Variants in TM9SF2 observed in about 807,000 individuals in gnomAD.
The protein encoded by TM9SF2 is 76 kDa membrane protein.
A neutral mutation model predicts 84.9 loss-of-function variants in TM9SF2; 13 were observed. The ratio of observed to expected loss-of-function variants is 0.15; its 90% CI spans 0.10 to 0.24. The LOEUF is 0.24. TM9SF2 is among the 10% of genes least tolerant of loss of function. TM9SF2 has a pLI of 1.00. For missense variants in TM9SF2, 562 were observed against 818.5 expected (o/e 0.69, Z 3.82); for synonymous variants, 273 against 285.8 (o/e 0.96, Z 0.45).
intron 10 of TM9SF2, among the ~76,000 whole-genome samples, chr13:99,544,665 C>T (rs1421222072): frequency 6.6e-6 from 1 of 152,064 alleles, no homozygotes; most frequent in Non-Finnish European, 1.5e-5. Flanking sequence ...TTGGCTTCCA[C>T]GGAGGGAGGA....
chr13:99,558,347 T>C (rs2046332379), intron 15 of TM9SF2, among the ~76,000 whole-genome samples: 1 of 152,234 alleles, frequency 6.6e-6, no homozygotes, highest in Non-Finnish European at 1.5e-5. Context: ...TTTTCCAATC[T>C]GCAAAAATTG....
At chr13:99,554,600 T>C (rs1594061920) in intron 14 of TM9SF2, 145 bp downstream of exon 14, 2 of 875,938 alleles carry the variant, frequency 2.3e-6, no homozygotes, top group East Asian at 2.8e-5. Context: ...AAAGCTTATT[T>C]TTATCTTTTC....
At chr13:99,506,091 C>T (rs1462370018) in intron 1 of TM9SF2, among the ~76,000 whole-genome samples, 1 of 152,042 alleles carries the variant, frequency 6.6e-6, no homozygotes, top group Non-Finnish European at 1.5e-5. Context: ...TCATACTTTC[C>T]TTTCTTGGTA....
Position 99,509,540 on chromosome 13 carries a change from C to T in TM9SF2, c.171+7763C>T, listed in dbSNP as rs971885874. Among the ~76,000 whole-genome samples, 9 of 152,366 alleles carry T rather than the reference C, an allele frequency of 5.9e-5. No individual in the cohort carries two copies. In the South Asian group the frequency reaches 1.0e-3, roughly 18 times the overall value. Reference sequence around the variant, plus strand: ...ACCACATGGAAGCCACCAAGACTTACGGCTTGCATTCTGTAAATGGCAGCC... The same window carrying T: ...ACCACATGGAAGCCACCAAGACTTATGGCTTGCATTCTGTAAATGGCAGCC... On this transcript the variant is annotated intron_variant, in intron 1 of 16. Transcript: ENST00000376387.
At chr13:99,548,840 G>A (rs374709445) in intron 11 of TM9SF2, among the ~76,000 whole-genome samples, 11 of 152,112 alleles carry the variant, frequency 7.2e-5, no homozygotes, top group African/African-American at 1.7e-4. Context: ...TGAGAATCCC[G>A]TGTGCCCTTC....
chr13:99,544,077 C>A (rs2046272469), intron 10 of TM9SF2, 82 bp downstream of exon 10: 2 of 1,488,314 alleles, frequency 1.3e-6, no homozygotes, highest in African/African-American at 1.4e-5. Context: ...TCTGGCCGGG[C>A]ATGGTGGCTC....
At chr13:99,561,201 T>C (rs1477464737) in intron 16 of TM9SF2, among the ~76,000 whole-genome samples, 2 of 152,222 alleles carry the variant, frequency 1.3e-5, no homozygotes, top group Non-Finnish European at 2.9e-5. Flanking sequence ...AAATAGGGTA[T>C]GGTCTGTATT....
At chr13:99,526,865 G>A (rs1434469156) in intron 3 of TM9SF2, among the ~76,000 whole-genome samples, 1 of 152,112 alleles carries the variant, frequency 6.6e-6, no homozygotes, top group Non-Finnish European at 1.5e-5. Flanking sequence ...GAGTAGGGGC[G>A]GTGTGGTCTG....
intron 1 of TM9SF2, among the ~76,000 whole-genome samples, chr13:99,514,693 C>T (rs2046126778): frequency 6.6e-6 from 1 of 152,192 alleles, no homozygotes; most frequent in African/African-American, 2.4e-5. Context: ...GGCCGTTAGC[C>T]TCCTGGGACT....
intron 11 of TM9SF2, 35 bp downstream of exon 11, chr13:99,547,139 G>C: frequency 6.2e-7 from 1 of 1,609,368 alleles, no homozygotes; most frequent in East Asian, 2.2e-5. Context: ...CGTCTGATCA[G>C]GAAGGGACTC....
chr13:99,513,978 A>G (rs577388901), intron 1 of TM9SF2, among the ~76,000 whole-genome samples: 1 of 152,288 alleles, frequency 6.6e-6, no homozygotes, highest in Non-Finnish European at 1.5e-5. Context: ...TAATAAAATT[A>G]GCGTCATTTT....
rs1159368592 is a variant in TM9SF2, at chr13:99,520,657, C to A, written c.333+528C>A. On this transcript the variant is annotated intron_variant, in intron 3 of 16. Transcript: ENST00000376387. ...GATCTCAGCTCACTGCAACCTCTGC[C>A]TCCCGGGTTCAAGCAATTCTCGTGC... Among the ~76,000 whole-genome samples, 4 of 152,284 alleles carry A rather than the reference C, an allele frequency of 2.6e-5. No individual in the cohort carries two copies. In the East Asian group the frequency reaches 5.8e-4, roughly 22 times the overall value.
At chr13:99,524,475 AG>A (rs1328530527) in intron 3 of TM9SF2, among the ~76,000 whole-genome samples, 1 of 152,002 alleles carries the variant, frequency 6.6e-6, no homozygotes. Flanking sequence ...GGTAAGTGAG[AG>A]GTGTTTATTA....
chr13:99,506,684 T>G (rs774600320), intron 1 of TM9SF2, among the ~76,000 whole-genome samples: 1 of 152,196 alleles, frequency 6.6e-6, no homozygotes, highest in Non-Finnish European at 1.5e-5. Flanking sequence ...GGGTGTAAAC[T>G]TGAACTTCCA....
intron 11 of TM9SF2, among the ~76,000 whole-genome samples, chr13:99,548,154 C>T (rs1214768565): frequency 1.3e-5 from 2 of 152,188 alleles, no homozygotes; most frequent in Non-Finnish European, 2.9e-5. Flanking sequence ...TTCAGCCACA[C>T]AGGCTTTCTG....
chr13:99,534,916 A>G (rs1254812693), intron 4 of TM9SF2, among the ~76,000 whole-genome samples: 3 of 152,176 alleles, frequency 2.0e-5, no homozygotes, highest in African/African-American at 4.8e-5. Context: ...TTGGGAGACC[A>G]GGGTAGGAGG....
chr13:99,545,810 C>T (rs958903419), intron 10 of TM9SF2, among the ~76,000 whole-genome samples: 2 of 152,076 alleles, frequency 1.3e-5, no homozygotes, highest in Admixed American at 6.5e-5. Flanking sequence ...CGTGATCCGC[C>T]CGCCTCGGCC....
intron 12 of TM9SF2, among the ~76,000 whole-genome samples, chr13:99,551,463 CG>C (rs1449310397): frequency 1.3e-5 from 2 of 152,134 alleles, no homozygotes; most frequent in African/African-American, 2.4e-5. Flanking sequence ...ATGCACCAGG[CG>C]TAACTACTGT....
At chr13:99,552,021 GTTTT>G (rs2046307317) in intron 12 of TM9SF2, 142 bp from the exon 13 acceptor site, 3 of 798,434 alleles carry the variant, frequency 3.8e-6, no homozygotes, top group Admixed American at 6.8e-5. Context: ...TTCTAGTCAA[GTTTT>G]ACATTCAGAC....
Sources: allele counts gnomAD v4.1 joint callset (sites outside exome capture counted in the v4.1 genomes callset), GRCh38; gene constraint gnomAD v4.1.1; transcripts MANE v1.5; gene names NCBI Gene and HGNC (gene_info 2026-07-23, HGNC 2026-07-21).